The following NCKAP5 variants were observed in gnomAD, a reference collection of about 807,000 sequenced individuals.
NCKAP5 encodes the protein NCK associated protein 5, also known as nck-associated protein 5.
Under a neutral mutation model 167.0 loss-of-function variants are expected in NCKAP5, and 92 were observed. The ratio of observed to expected loss-of-function variants is 0.55; its 90% CI spans 0.47 to 0.66. The LOEUF is 0.66. Ranked by LOEUF, NCKAP5 falls within the 30% of genes least tolerant of loss-of-function variation. The probability of loss-of-function intolerance (pLI) is 0.00; values close to 1 mark genes in which losing one functional copy is unlikely to be tolerated. For synonymous variants in NCKAP5, 891 were observed against 877.4 expected (o/e 1.02, Z -0.27); for missense variants, 2,378 against 2,315.0 (o/e 1.03, Z -0.56).
chr2:133,283,384 T>C (rs915205598), intron 4 of NCKAP5, among the ~76,000 whole-genome samples: 1 of 152,180 alleles, frequency 6.6e-6, no homozygotes, highest in Non-Finnish European at 1.5e-5. Context: ...TCTCATTCTA[T>C]AATTGTATGT....
At chr2:133,007,152 A>G (rs1300772009) in intron 6 of NCKAP5, among the ~76,000 whole-genome samples, 1 of 152,188 alleles carries the variant, frequency 6.6e-6, no homozygotes, top group Non-Finnish European at 1.5e-5. Flanking sequence ...ACCACTATGC[A>G]ACTTAGGACA....
chr2:132,680,910 G>C (rs1186011835), intron 19 of NCKAP5, among the ~76,000 whole-genome samples: 1 of 152,098 alleles, frequency 6.6e-6, no homozygotes, highest in Non-Finnish European at 1.5e-5. Context: ...TGGATTTTCT[G>C]TTTTCCAGGG....
intron 6 of NCKAP5, among the ~76,000 whole-genome samples, chr2:133,101,929 C>T (rs1325482246): frequency 6.6e-6 from 1 of 151,864 alleles, no homozygotes. Flanking sequence ...CTAACATCCT[C>T]GACAATACAT....
chr2:133,129,857 G>C (rs1013680059), intron 6 of NCKAP5, 121 bp downstream of exon 6: 8 of 1,178,434 alleles, frequency 6.8e-6, no homozygotes, highest in Non-Finnish European at 9.1e-6. Context: ...AGGTCTAAAT[G>C]GTTGGTAAAT....
chr2:132,930,968 C>A (rs1027715448), intron 8 of NCKAP5: 8 of 152,156 alleles, frequency 5.3e-5, no homozygotes, highest in African/African-American at 1.9e-4. Flanking sequence ...AAATAACTCG[C>A]CAGTAAGTAG....
At chr2:132,962,351 G>C (rs888546428) in intron 8 of NCKAP5, among the ~76,000 whole-genome samples, 10 of 151,894 alleles carry the variant, frequency 6.6e-5, no homozygotes, top group African/African-American at 2.4e-4. Context: ...TCAGCTGAGG[G>C]AACAGAGGCA....
chr2:133,189,519 G>A (rs1229533912), intron 5 of NCKAP5, among the ~76,000 whole-genome samples: 3 of 152,048 alleles, frequency 2.0e-5, no homozygotes, highest in Non-Finnish European at 2.9e-5. Context: ...GATGAACATC[G>A]ATTCAAAAAT....
the NCKAP5 span, among the ~76,000 whole-genome samples, chr2:133,626,408 G>A: frequency 2.6e-5 from 4 of 152,078 alleles, no homozygotes; most frequent in African/African-American, 7.2e-5. Flanking sequence ...GATCTAGACT[G>A]TAAAAAACTT....
At chr2:133,513,040 T>C (rs1041904831) in intron 3 of NCKAP5, among the ~76,000 whole-genome samples, 1 of 152,172 alleles carries the variant, frequency 6.6e-6, no homozygotes, top group African/African-American at 2.4e-5. Flanking sequence ...CCTATCCCCC[T>C]GTATCAGCCA....
At chr2:133,083,504 G>T (rs1450298566) in intron 6 of NCKAP5, among the ~76,000 whole-genome samples, 1 of 152,124 alleles carries the variant, frequency 6.6e-6, no homozygotes, top group Admixed American at 6.6e-5. Flanking sequence ...TATTCATATA[G>T]GGTCCTTGTA....
intron 6 of NCKAP5, among the ~76,000 whole-genome samples, chr2:133,106,643 A>T (rs2149700520): frequency 6.6e-6 from 1 of 152,280 alleles, no homozygotes. Flanking sequence ...TTCTTCTTGA[A>T]TGCTATTGGG....
intron 3 of NCKAP5, among the ~76,000 whole-genome samples, chr2:133,466,625 A>T (rs1273019209): frequency 6.6e-6 from 1 of 152,164 alleles, no homozygotes; most frequent in Admixed American, 6.5e-5. Flanking sequence ...CACGATATTG[A>T]TTCTTCCTAC....
intron 8 of NCKAP5, among the ~76,000 whole-genome samples, chr2:132,949,730 TA>T (rs928249629): frequency 4.6e-5 from 7 of 151,152 alleles, no homozygotes; most frequent in East Asian, 1.9e-4. Context: ...CATGTGTCGC[TA>T]AAAAAAAAGT....
chr2:133,669,134 G>T, the NCKAP5 span, among the ~76,000 whole-genome samples: 3 of 152,258 alleles, frequency 2.0e-5, no homozygotes, highest in Admixed American at 6.5e-5. Flanking sequence ...TAGGCTACTG[G>T]TTTGCACAAC....
intron 3 of NCKAP5, among the ~76,000 whole-genome samples, chr2:133,458,910 T>A (rs1692022865): frequency 6.6e-6 from 1 of 152,176 alleles, no homozygotes; most frequent in African/African-American, 2.4e-5. Context: ...ACAGATCTCA[T>A]TAGAAAATCC....
chr2:133,484,866 C>T (rs1157552327), intron 3 of NCKAP5, among the ~76,000 whole-genome samples: 1 of 152,156 alleles, frequency 6.6e-6, no homozygotes, highest in African/African-American at 2.4e-5. Context: ...AAAGGATACT[C>T]GACCAGTATG....
In NCKAP5 at chr2:132,782,232, T is replaced by G; in HGVS notation, c.4579A>C (p.Ile1527Leu). 6.2e-7 allele frequency: 1 copy of G among 1,614,002 alleles called. No homozygotes were observed. The highest frequency in any genetic ancestry group is 8.5e-7 in the Non-Finnish European group (1 of 1,179,892). Residue 1527 changes from isoleucine to leucine, a missense_variant, in exon 14 of 20, where the codon ATC becomes CTC. By Grantham distance (5) the Ile-to-Leu change is conservative (BLOSUM62 2). This residue lies in a region of NCKAP5 where 1,325 missense variants were observed against 1,274.5 expected (regional missense o/e 1.04). Coordinates refer to ENST00000409261, the MANE Select transcript of NCKAP5 (RefSeq NM_207363.3). ...LPALSSRKMD[I>L]SKTKVEKKDA... The stretch of plus-strand genomic sequence containing the variant: ...TTCTTTTCTACTTTGGTTTTGGAGA[T>G]GTCCATTTTCCTGCTACTCAGAGCT...
intron 3 of NCKAP5, among the ~76,000 whole-genome samples, chr2:133,336,273 T>C (rs1683201045): frequency 6.6e-6 from 1 of 152,114 alleles, no homozygotes; most frequent in Non-Finnish European, 1.5e-5. Flanking sequence ...ATTATTACTC[T>C]TACATATAAG....
chr2:133,591,537 G>C, the NCKAP5 span, among the ~76,000 whole-genome samples: 2 of 152,206 alleles, frequency 1.3e-5, no homozygotes, highest in African/African-American at 4.8e-5. Flanking sequence ...TGAAAATCCT[G>C]GTCGTCTAAA....
Sources: allele counts gnomAD v4.1 joint callset (sites outside exome capture counted in the v4.1 genomes callset), GRCh38; gene constraint gnomAD v4.1.1; regional missense constraint gnomAD v4.1.1; transcripts MANE v1.5; gene names NCBI Gene and HGNC (gene_info 2026-07-23, HGNC 2026-07-21).